Variants in EPSTI1 observed in about 807,000 individuals in gnomAD.
EPSTI1 encodes the protein epithelial-stromal interaction protein 1.
A neutral mutation model predicts 49.9 loss-of-function variants in EPSTI1; 66 were observed. The observed-to-expected ratio is 1.32, with a 90% CI of 1.08 to 1.62. The LOEUF (loss-of-function observed/expected upper bound fraction) is 1.62, where lower values mean the gene tolerates loss of function less well. EPSTI1 is among the 40% of genes most tolerant of loss of function. The probability of loss-of-function intolerance (pLI) is 0.00; values close to 1 mark genes in which losing one functional copy is unlikely to be tolerated. For synonymous variants in EPSTI1, 137 were observed against 130.7 expected, an observed-to-expected ratio of 1.05 and a Z score of -0.33; for missense variants, 394 against 365.5, an observed-to-expected ratio of 1.08 and a Z score of -0.64.
intron 1 of EPSTI1, among the ~76,000 whole-genome samples, chr13:42,984,922 C>T (rs2040051347): frequency 2.0e-5 from 3 of 152,160 alleles, no homozygotes; most frequent in Admixed American, 6.5e-5. Flanking sequence ...ATGCCAACAA[C>T]AGACATAAAT....
At chr13:42,986,182 G>A (rs532158683) in intron 1 of EPSTI1, among the ~76,000 whole-genome samples, 4 of 152,212 alleles carry the variant, frequency 2.6e-5, no homozygotes, top group Non-Finnish European at 5.9e-5. Flanking sequence ...GCCGTCAGCT[G>A]ACTATGCTCC....
chr13:42,900,181 C>T (rs2153411487), intron 9 of EPSTI1, 129 bp downstream of exon 9: 1 of 796,868 alleles, frequency 1.3e-6, no homozygotes, highest in Non-Finnish European at 2.1e-6. Flanking sequence ...GTCCCAATAA[C>T]AGATTTAAAG....
chr13:42,906,406 C>A (rs1340493237), intron 8 of EPSTI1, among the ~76,000 whole-genome samples: 1 of 152,116 alleles, frequency 6.6e-6, no homozygotes, highest in African/African-American at 2.4e-5. Flanking sequence ...TGTCTGAATC[C>A]CAACAGAGCA....
chr13:42,963,209 T>C, intron 5 of EPSTI1, 46 bp downstream of exon 5: 27 of 1,480,752 alleles, frequency 1.8e-5, no homozygotes, highest in Non-Finnish European at 2.5e-5. Context: ...ACAACGAAAC[T>C]ATAATTGTTG....
intron 6 of EPSTI1, among the ~76,000 whole-genome samples, chr13:42,942,712 T>G (rs1429977000): frequency 8.3e-6 from 1 of 121,122 alleles, no homozygotes; most frequent in Admixed American, 1.1e-4. Context: ...GACGGAGTCT[T>G]GCTCTGTCGC....
chr13:42,925,302 C>T (rs1043899542), intron 7 of EPSTI1, among the ~76,000 whole-genome samples: 13 of 152,200 alleles, frequency 8.5e-5, no homozygotes, highest in African/African-American at 3.1e-4. Context: ...CCTGTTTAAA[C>T]ATTTCCAATA....
chr13:42,928,820 T>G (rs561796333), intron 6 of EPSTI1, among the ~76,000 whole-genome samples: 34 of 152,354 alleles, frequency 2.2e-4, no homozygotes, highest in African/African-American at 7.0e-4. Flanking sequence ...TCTTGACCAA[T>G]GGAATGTGAG....
chr13:42,914,395 ACT>A lies in EPSTI1; in HGVS notation c.741+3144_741+3145del, dbSNP rs373200059. On this transcript the variant is annotated intron_variant, in intron 8 of 10. Transcript: ENST00000313624. ...GAATGAATGAGTGCTGGGAGAGATT[ACT>A]CTGAGACAGATCAACCAGAATAATA... 2.2e-4 allele frequency among the ~76,000 whole-genome samples: 33 copies of A among 152,222 alleles called. 1 individual carries two copies. In the South Asian group the frequency reaches 5.8e-3, roughly 27 times the overall value.
At chr13:42,951,575 T>C (rs936314646) in intron 6 of EPSTI1, among the ~76,000 whole-genome samples, 3 of 152,232 alleles carry the variant, frequency 2.0e-5, no homozygotes, top group Non-Finnish European at 4.4e-5. Context: ...ACTTCTTTTT[T>C]CTTTATAGAA....
intron 10 of EPSTI1, among the ~76,000 whole-genome samples, chr13:42,891,554 T>A (rs2153407920): frequency 6.6e-6 from 1 of 152,346 alleles, no homozygotes; most frequent in East Asian, 1.9e-4. Context: ...GAAGTCTGCT[T>A]GGTTGTCTTT....
At chr13:42,905,983 T>A (rs2153413819) in intron 8 of EPSTI1, among the ~76,000 whole-genome samples, 1 of 152,262 alleles carries the variant, frequency 6.6e-6, no homozygotes. Context: ...ATAAACAAAA[T>A]ACCATCCTAG....
chr13:42,977,467 C>T (rs1319890974), intron 1 of EPSTI1, among the ~76,000 whole-genome samples: 1 of 152,202 alleles, frequency 6.6e-6, no homozygotes, highest in African/African-American at 2.4e-5. Context: ...AGAGAGATTT[C>T]TAGAAAGCCT....
At chr13:42,981,876 T>C (rs2039992875) in intron 1 of EPSTI1, among the ~76,000 whole-genome samples, 1 of 152,136 alleles carries the variant, frequency 6.6e-6, no homozygotes, top group South Asian at 2.1e-4. Flanking sequence ...CCCTAATATA[T>C]ACTCAGTCAG....
intron 8 of EPSTI1, among the ~76,000 whole-genome samples, chr13:42,915,830 A>T (rs1016793178): frequency 2.0e-5 from 3 of 152,156 alleles, no homozygotes; most frequent in Non-Finnish European, 2.9e-5. Flanking sequence ...CAAGATTAAG[A>T]AATAAAAAGT....
chr13:42,893,609 A>C (rs985300736), intron 10 of EPSTI1, among the ~76,000 whole-genome samples: 1 of 152,194 alleles, frequency 6.6e-6, no homozygotes, highest in Admixed American at 6.5e-5. Context: ...AGGCCTGCCA[A>C]TAGTCATTGG....
chr13:42,950,460 TA>T (rs2039060782), intron 6 of EPSTI1, among the ~76,000 whole-genome samples: 2 of 152,234 alleles, frequency 1.3e-5, no homozygotes, highest in East Asian at 1.9e-4. Flanking sequence ...TGGATGTCAA[TA>T]AAAGCCTAGT....
Position 42,917,551 on chromosome 13 carries a change from T to C in EPSTI1, c.731A>G (p.Gln244Arg). 1 of 1,612,494 alleles carries C rather than the reference T, an allele frequency of 6.2e-7. No homozygotes were observed. Among genetic ancestry groups the C allele is most frequent in the Non-Finnish European group, 8.5e-7 (1 of 1,178,914 alleles). The part of the protein sequence containing the change: ...NRKLQKMKDE[Q>R]HQKSELLELK... Reference sequence around the variant, plus strand: ...GGGGCTTGTAAGTACCTTTTGATGTTGTTCATCCTTCATCTTTTGCAATTT... The same window carrying C: ...GGGGCTTGTAAGTACCTTTTGATGTCGTTCATCCTTCATCTTTTGCAATTT... The change falls in exon 8 of 11, where the codon CAA becomes CGA. Residue 244 changes from glutamine to arginine, a missense_variant. By Grantham distance (43) the Gln-to-Arg change is conservative. Coordinates refer to ENST00000313624, the MANE Select transcript of EPSTI1 (RefSeq NM_033255.5).
chr13:42,986,744 CAAAAAAAAAAAAAAAAA>C (rs71099813), intron 1 of EPSTI1, among the ~76,000 whole-genome samples: 2 of 80,814 alleles, frequency 2.5e-5, no homozygotes, highest in Admixed American at 1.6e-4. Flanking sequence ...GATTCCATCT[CAAAAAAAAAAAAAAAAA>C]AAAAAAAAAA....
chr13:42,927,074 G>T (rs1435669938), intron 6 of EPSTI1, among the ~76,000 whole-genome samples: 1 of 151,632 alleles, frequency 6.6e-6, no homozygotes, highest in East Asian at 1.9e-4. Flanking sequence ...CCTCCATAGG[G>T]TTTATCTATA....
Sources: gnomAD v4.1 joint callset for allele counts (sites outside exome capture counted in the v4.1 genomes callset) on GRCh38, gnomAD v4.1.1 for gene constraint, MANE v1.5 for transcripts, NCBI Gene and HGNC (gene_info 2026-07-23, HGNC 2026-07-21) for gene names.